The following ARID4B variants were observed in gnomAD, a reference collection of about 807,000 sequenced individuals.
ARID4B encodes AT-rich interactive domain-containing protein 4B.
ARID4B carries 26 observed loss-of-function variants against 147.5 expected under a neutral mutation model. That is an observed-to-expected ratio of 0.18 (90% CI 0.13 to 0.24). The LOEUF is 0.24. Ranked by LOEUF, ARID4B falls within the 10% of genes least tolerant of loss-of-function variation. ARID4B has a pLI of 1.00. For synonymous variants in ARID4B, 512 were observed against 507.9 expected, an observed-to-expected ratio of 1.01 and a Z score of -0.11; for missense variants, 1,179 against 1,511.5, an observed-to-expected ratio of 0.78 and a Z score of 3.65.
At chr1:235,224,603 G>T in intron 12 of ARID4B, 100 bp downstream of exon 12, 1 of 796,248 alleles carries the variant, frequency 1.3e-6, no homozygotes, top group East Asian at 2.7e-5. Flanking sequence ...CATAATTACT[G>T]ATGACATAAA....
chr1:235,281,085 A>G (rs898981701), intron 2 of ARID4B, among the ~76,000 whole-genome samples: 2 of 148,482 alleles, frequency 1.3e-5, no homozygotes, highest in African/African-American at 5.3e-5. Flanking sequence ...GCTTGCCATC[A>G]AGGTGGCTTC....
chr1:235,262,716 T>G (rs543436851), intron 2 of ARID4B, among the ~76,000 whole-genome samples: 2 of 152,032 alleles, frequency 1.3e-5, no homozygotes, highest in African/African-American at 4.8e-5. Context: ...ACACCTGTAA[T>G]CCCAGCAATT....
chr1:235,224,606 G>T, intron 12 of ARID4B, 97 bp downstream of exon 12: 1 of 806,812 alleles, frequency 1.2e-6, no homozygotes, highest in Non-Finnish European at 2.0e-6. Flanking sequence ...AATTACTGAT[G>T]ACATAAAGTT....
chr1:235,255,815 TTTG>T lies in ARID4B; in HGVS notation c.184-68_184-66del. ...GTAAATTAACAAACCAAAACCTGGG[TTTG>T]TTTTCTTTTAACTGAGTGCATGATG... On this transcript the variant is annotated intron_variant, in intron 4 of 23. Coordinates refer to ENST00000264183, the MANE Select transcript of ARID4B (RefSeq NM_016374.6). The T allele has an allele frequency of 5.4e-6, 6 of 1,116,932 alleles. No individual in the cohort carries two copies. The African/African-American group carries it at 7.9e-5, about 15-fold the overall frequency. The allele number at this position is 1,116,932 out of a possible 1,614,324, so 69.2% of individuals were successfully genotyped here.
Position 235,187,397 on chromosome 1 carries a change from T to C in ARID4B, c.2126-4604A>G, listed in dbSNP as rs542432703. On this transcript the variant is annotated intron_variant, in intron 19 of 23. Transcript: ENST00000264183. ...CCGTGCCCAGCTTATTCTTGTTTTA[T>C]AGATACTGTAGGTTCTCTGAGATTA... 2.6e-5 allele frequency among the ~76,000 whole-genome samples: 4 copies of C among 152,226 alleles called. No individual in the cohort carries two copies. The South Asian group carries it at 8.3e-4, about 31-fold the overall frequency.
At chr1:235,181,231 C>T (rs1236888121) in intron 20 of ARID4B, 27 of 697,294 alleles carry the variant, frequency 3.9e-5, no homozygotes, top group Non-Finnish European at 4.7e-5. Context: ...ATTACAATTG[C>T]AAAAACAATG....
intron 9 of ARID4B, among the ~76,000 whole-genome samples, chr1:235,232,094 G>A (rs1284714368): frequency 1.3e-5 from 2 of 152,004 alleles, no homozygotes; most frequent in Non-Finnish European, 2.9e-5. Flanking sequence ...GCACTCTAGC[G>A]TAGGCAACAG....
intron 2 of ARID4B, among the ~76,000 whole-genome samples, chr1:235,263,938 G>A (rs1414405316): frequency 6.6e-6 from 1 of 151,894 alleles, no homozygotes; most frequent in Non-Finnish European, 1.5e-5. Flanking sequence ...GGCTTGCAGT[G>A]AGCCAAGATC....
At chr1:235,211,164 T>C (rs890988947) in intron 17 of ARID4B, among the ~76,000 whole-genome samples, 7 of 152,064 alleles carry the variant, frequency 4.6e-5, no homozygotes, top group Non-Finnish European at 1.0e-4. Context: ...AGAAACCCCA[T>C]CTCTACTAAA....
chr1:235,225,079 T>G (rs901923178), intron 11 of ARID4B, among the ~76,000 whole-genome samples: 7 of 149,768 alleles, frequency 4.7e-5, no homozygotes, highest in African/African-American at 1.7e-4. Context: ...TTTTGTTTTT[T>G]TTACCATATG....
Position 235,220,481 on chromosome 1 carries a change from C to T in ARID4B, c.1228G>A (p.Glu410Lys). 1 of 1,612,476 alleles carries T rather than the reference C, an allele frequency of 6.2e-7. No individual in the cohort carries two copies. The highest frequency in any genetic ancestry group is 1.7e-4 in the Middle Eastern group (1 of 6,056). Residue 410 changes from glutamate (E) to lysine (K), a missense_variant, in exon 15 of 24, where the codon GAG becomes AAG. Coordinates refer to ENST00000264183, the MANE Select transcript of ARID4B (RefSeq NM_016374.6). Reference protein sequence around the residue: ...ANIEFQMALPEKVVNKQCKEC... With the variant: ...ANIEFQMALPKKVVNKQCKEC... ...TTACATTGCTTGTTAACAACTTTCT[C>T]TGGCAATGCCATCTGAAATTCAATG...
chr1:235,203,546 TAACC>T (rs1220314322), intron 17 of ARID4B, among the ~76,000 whole-genome samples: 2 of 152,162 alleles, frequency 1.3e-5, no homozygotes, highest in East Asian at 3.8e-4. Flanking sequence ...AAAAATCTAA[TAACC>T]AACCATTAAG....
chr1:235,205,236 A>G (rs1471156499), intron 17 of ARID4B, among the ~76,000 whole-genome samples: 2 of 152,226 alleles, frequency 1.3e-5, no homozygotes, highest in Non-Finnish European at 2.9e-5. Flanking sequence ...AGAAAGAAAA[A>G]AAATGAAGGA....
chr1:235,272,386 T>C (rs1671048176), intron 2 of ARID4B, among the ~76,000 whole-genome samples: 1 of 152,212 alleles, frequency 6.6e-6, no homozygotes, highest in Non-Finnish European at 1.5e-5. Flanking sequence ...GAATAGCACC[T>C]ACATATAGAA....
chr1:235,309,076 C>T (rs939433035), intron 2 of ARID4B, among the ~76,000 whole-genome samples: 13 of 150,962 alleles, frequency 8.6e-5, no homozygotes, highest in Admixed American at 2.0e-4. Flanking sequence ...TGAGGAGCGT[C>T]TCTGCCCGGC....
intron 18 of ARID4B, 140 bp downstream of exon 18, chr1:235,195,891 A>G: frequency 1.7e-6 from 1 of 602,970 alleles, no homozygotes; most frequent in South Asian, 2.0e-5. Flanking sequence ...CTAACCTGAC[A>G]AAATTAATTA....
intron 2 of ARID4B, among the ~76,000 whole-genome samples, chr1:235,286,389 G>C (rs929738593): frequency 3.9e-5 from 6 of 152,202 alleles, no homozygotes; most frequent in South Asian, 2.1e-4. Flanking sequence ...TTAGGAACCA[G>C]AGACTTGATT....
intron 19 of ARID4B, among the ~76,000 whole-genome samples, chr1:235,186,022 T>G (rs1360363773): frequency 6.6e-6 from 1 of 151,288 alleles, no homozygotes; most frequent in Non-Finnish European, 1.5e-5. Context: ...CAGGTTGGAG[T>G]GCAGTGGTGC....
At chr1:235,318,121 CTAT>C (rs1224778182) in intron 2 of ARID4B, among the ~76,000 whole-genome samples, 1 of 145,962 alleles carries the variant, frequency 6.9e-6, no homozygotes, top group Non-Finnish European at 1.5e-5. Flanking sequence ...ATAAGATGGA[CTAT>C]TATTCAGCAA....
Sources: allele counts gnomAD v4.1 joint callset (sites outside exome capture counted in the v4.1 genomes callset), GRCh38; gene constraint gnomAD v4.1.1; transcripts MANE v1.5; gene names NCBI Gene and HGNC (gene_info 2026-07-23, HGNC 2026-07-21).